STOM: variants seen among roughly 807,000 people sequenced by gnomAD.
STOM encodes the protein stomatin, also known as erythrocyte band 7 integral membrane protein.
Under a neutral mutation model 30.6 loss-of-function variants are expected in STOM, and 25 were observed. That is an observed-to-expected ratio of 0.82 (90% confidence interval 0.60 to 1.14). The LOEUF (loss-of-function observed/expected upper bound fraction) is 1.14, where lower values mean the gene tolerates loss of function less well. STOM is among the 50% of genes most tolerant of loss of function. The pLI, the probability that STOM is intolerant of heterozygous loss-of-function variation, is 0.00. For synonymous variants in STOM, 118 were observed against 130.8 expected, an observed-to-expected ratio of 0.90 and a Z score of 0.67; for missense variants, 292 against 365.2, an observed-to-expected ratio of 0.80 and a Z score of 1.63.
chr9:121,353,849 C>T (rs951264958), intron 3 of STOM, among the ~76,000 whole-genome samples: 84 of 152,334 alleles, frequency 5.5e-4, no homozygotes, highest in African/African-American at 1.9e-3. Flanking sequence ...AACACCTTTT[C>T]AGACCTCAAG....
intron 1 of STOM, among the ~76,000 whole-genome samples, chr9:121,363,856 A>G (rs1331296671): frequency 1.3e-5 from 2 of 152,186 alleles, no homozygotes; most frequent in Non-Finnish European, 2.9e-5. Flanking sequence ...CCAGCTTCTC[A>G]GTTTCTCCCT....
Position 121,345,340 on chromosome 9 carries a change from G to A in STOM, c.660+2675C>T, listed in dbSNP as rs181225560. On this transcript the variant is annotated intron_variant, in intron 6 of 6. Coordinates refer to ENST00000286713, the MANE Select transcript of STOM (RefSeq NM_004099.6). ...TCTCACCCACACTTGGTTCTTTTCC[G>A]TTCTTTTCAGGCCATTCTGATAGCT... 1.6e-3 allele frequency among the ~76,000 whole-genome samples: 248 copies of A among 152,196 alleles called. 1 individual carries two copies. Among genetic ancestry groups the A allele is most frequent in the African/African-American group, 3.4e-3 (142 of 41,516 alleles).
At chr9:121,343,179 G>A (rs1269306145) in intron 6 of STOM, among the ~76,000 whole-genome samples, 1 of 152,196 alleles carries the variant, frequency 6.6e-6, no homozygotes, top group African/African-American at 2.4e-5. Context: ...AATCCTAGAA[G>A]AAGGAAAGGT....
intron 6 of STOM, among the ~76,000 whole-genome samples, chr9:121,344,850 G>A (rs536242553): frequency 6.6e-6 from 1 of 152,214 alleles, no homozygotes; most frequent in East Asian, 1.9e-4. Context: ...GTTATGAAAA[G>A]GAAATAAAAG....
rs776881124 is a variant in STOM, at chr9:121,349,161, G to A, written c.484C>T (p.Gln162Ter). 38 of 1,614,078 alleles carry A rather than the reference G, an allele frequency of 2.4e-5. No homozygotes were observed. Among genetic ancestry groups the A allele is most frequent in the Non-Finnish European group, 3.2e-5 (38 of 1,180,040 alleles). The change falls in exon 5 of 7, where the codon CAG becomes TAG. Residue 162 changes from glutamine to a stop codon, truncating the protein, a stop_gained. Transcript: ENST00000286713. LOFTEE classifies it high-confidence loss of function. ...RNVLGTKNLS[Q>*]ILSDREEIAH... ...ATTTCTTCTCTGTCAGAGAGGATCT[G>A]AGAAAGATTCTTGGTGCCCAGAACA... is the stretch of plus-strand genomic sequence containing the variant.
intron 6 of STOM, 54 bp from the exon 7 acceptor site, chr9:121,341,462 C>T (rs1306539915): frequency 6.2e-7 from 1 of 1,607,652 alleles, no homozygotes; most frequent in South Asian, 1.1e-5. Context: ...TGGGGACACA[C>T]AGCACTCTTC....
intron 2 of STOM, 49 bp from the exon 3 acceptor site, chr9:121,354,722 T>A: frequency 7.3e-7 from 1 of 1,372,952 alleles, no homozygotes; most frequent in South Asian, 1.2e-5. Context: ...TACAAATATA[T>A]ACATGCATGG....
At chr9:121,362,355 C>T (rs1442809021) in intron 1 of STOM, among the ~76,000 whole-genome samples, 1 of 152,076 alleles carries the variant, frequency 6.6e-6, no homozygotes, top group Non-Finnish European at 1.5e-5. Context: ...ATGGTATACA[C>T]AGTGATTTAA....
Position 121,339,622 on chromosome 9 carries a change from C to G in STOM, c.*1580G>C. ...ATGCTTAGACTTCTCTAGGTGAACTCAGAGTCTCAAAGAGGAAATGTTACA... is the reference window on the plus strand; with the variant it reads ...ATGCTTAGACTTCTCTAGGTGAACTGAGAGTCTCAAAGAGGAAATGTTACA... On this transcript the variant is annotated 3_prime_UTR_variant, in exon 7 of 7. Transcript: ENST00000286713. The G allele has an allele frequency of 8.1e-7, 1 of 1,231,650 alleles. No homozygotes were observed. The highest frequency in any genetic ancestry group is 1.0e-6 in the Non-Finnish European group (1 of 987,946). 76.3% of individuals were successfully genotyped at this position (1,231,650 alleles called of 1,614,324 possible).
chr9:121,339,925 TG>T lies in STOM; in HGVS notation c.*1276del. The T allele has an allele frequency of 2.8e-6, 3 of 1,060,980 alleles. No individual in the cohort carries two copies. The highest frequency in any genetic ancestry group is 4.4e-4 in the Middle Eastern group (1 of 2,286). The allele number at this position is 1,060,980 out of a possible 1,614,324, so 65.7% of individuals were successfully genotyped here. A position where few individuals can be genotyped will look rare whatever the true frequency, so the allele number is the denominator to read the frequency against. On this transcript the variant is annotated 3_prime_UTR_variant, in exon 7 of 7. Coordinates refer to ENST00000286713, the MANE Select transcript of STOM (RefSeq NM_004099.6). ...AATATACTGTGAATTCCTTATACTA[TG>T]TAATGAATGGGTTTGTAATCAACAT... is the stretch of plus-strand genomic sequence containing the variant.
intron 2 of STOM, among the ~76,000 whole-genome samples, chr9:121,355,722 C>A (rs2064382507): frequency 6.6e-6 from 1 of 152,176 alleles, no homozygotes; most frequent in Non-Finnish European, 1.5e-5. Flanking sequence ...AAAGGTCACA[C>A]AATAAACAGT....
intron 2 of STOM, 149 bp from the exon 3 acceptor site, chr9:121,354,822 A>G: frequency 3.6e-6 from 2 of 560,722 alleles, no homozygotes; most frequent in Admixed American, 3.5e-5. Context: ...CACATGTCCA[A>G]TGTTTACCTT....
chr9:121,343,156 T>C (rs1274088874), intron 6 of STOM, among the ~76,000 whole-genome samples: 1 of 152,242 alleles, frequency 6.6e-6, no homozygotes, highest in African/African-American at 2.4e-5. Flanking sequence ...TCAAGGTAGT[T>C]ACTTTAATTC....
chr9:121,367,642 A>G (rs1232680648), intron 1 of STOM, among the ~76,000 whole-genome samples: 1 of 152,270 alleles, frequency 6.6e-6, no homozygotes, highest in African/African-American at 2.4e-5. Context: ...GCCTTTAAGA[A>G]AAACTAGTCT....
Position 121,340,109 on chromosome 9 carries a change from C to G in STOM, c.*1093G>C, listed in dbSNP as rs991582267. On this transcript the variant is annotated 3_prime_UTR_variant, in exon 7 of 7. Coordinates refer to ENST00000286713, the MANE Select transcript of STOM (RefSeq NM_004099.6). Reference sequence around the variant, plus strand: ...AGAAAATTTTATTAAAAAATTAAAACTATTTAAAACCTGATATATGAAAAT... The same window carrying G: ...AGAAAATTTTATTAAAAAATTAAAAGTATTTAAAACCTGATATATGAAAAT... 2 of 980,258 alleles carry G rather than the reference C, an allele frequency of 2.0e-6. No individual in the cohort carries two copies. The highest frequency in any genetic ancestry group is 9.4e-5 in the South Asian group (2 of 21,172). 60.7% of individuals were successfully genotyped at this position (980,258 alleles called of 1,614,324 possible).
Position 121,340,415 on chromosome 9 carries a change from A to C in STOM, c.*787T>G. The stretch of plus-strand genomic sequence containing the variant: ...GAAACACGGTCTGGATTTAGAAAAT[A>C]AATGAACATTAGGGAAATTTCCTTA... On this transcript the variant is annotated 3_prime_UTR_variant, in exon 7 of 7. Transcript: ENST00000286713. 2.0e-6 allele frequency: 2 copies of C among 985,438 alleles called. No individual in the cohort carries two copies. Among genetic ancestry groups the C allele is most frequent in the Non-Finnish European group, 2.4e-6 (2 of 829,934 alleles). 61.0% of individuals were successfully genotyped at this position (985,438 alleles called of 1,614,324 possible). A position where few individuals can be genotyped will look rare whatever the true frequency, so the allele number is the denominator to read the frequency against.
At position 121,339,598 on chromosome 9, in the gene STOM, T is replaced by C; in HGVS notation, c.*1604A>G. ...CTCGTGCTGGGAAAGAAAGCTGTTATGCTTAGACTTCTCTAGGTGAACTCA... is the reference window on the plus strand; with the variant it reads ...CTCGTGCTGGGAAAGAAAGCTGTTACGCTTAGACTTCTCTAGGTGAACTCA... On this transcript the variant is annotated 3_prime_UTR_variant, in exon 7 of 7. Coordinates refer to ENST00000286713, the MANE Select transcript of STOM (RefSeq NM_004099.6). 1.6e-6 allele frequency: 2 copies of C among 1,231,636 alleles called. No homozygotes were observed. Among genetic ancestry groups the C allele is most frequent in the Non-Finnish European group, 2.0e-6 (2 of 987,926 alleles). The allele number at this position is 1,231,636 out of a possible 1,614,324, so 76.3% of individuals were successfully genotyped here.
intron 4 of STOM, among the ~76,000 whole-genome samples, chr9:121,352,737 A>C (rs534529825): frequency 3.0e-4 from 45 of 152,374 alleles, no homozygotes; most frequent in African/African-American, 1.0e-3. Context: ...ACTGAGGCAC[A>C]GAAAAGTTAA....
chr9:121,361,302 A>G (rs2064448583), intron 1 of STOM, among the ~76,000 whole-genome samples: 1 of 149,174 alleles, frequency 6.7e-6, no homozygotes. Flanking sequence ...CCCATGTATT[A>G]CTTTAGGACT....
Sources: allele counts gnomAD v4.1 joint callset (sites outside exome capture counted in the v4.1 genomes callset), GRCh38; gene constraint gnomAD v4.1.1; transcripts MANE v1.5; gene names NCBI Gene and HGNC (gene_info 2026-07-23, HGNC 2026-07-21).